The following ADAM9 variants were observed in gnomAD, a reference collection of about 807,000 sequenced individuals.
The protein encoded by ADAM9 is disintegrin and metalloproteinase domain-containing protein 9.
ADAM9 carries 54 observed loss-of-function variants against 108.1 expected under a neutral mutation model. The observed-to-expected ratio is 0.50, with a 90% CI of 0.40 to 0.63. The LOEUF (loss-of-function observed/expected upper bound fraction) is 0.63. ADAM9 is among the 20% of genes least tolerant of loss of function. The pLI is 0.00. For missense variants in ADAM9, 830 were observed against 997.7 expected (o/e 0.83, Z 2.26); for synonymous variants, 316 against 336.0 (o/e 0.94, Z 0.65).
intron 11 of ADAM9, among the ~76,000 whole-genome samples, chr8:39,038,610 A>T (rs1382400294): frequency 1.3e-5 from 2 of 152,182 alleles, no homozygotes; most frequent in South Asian, 4.1e-4. Context: ...CATAACCTTT[A>T]CATGGGCAGG....
Position 39,019,513 on chromosome 8 carries a change from T to C in ADAM9, c.672+595T>C, listed in dbSNP as rs114480364. Among the ~76,000 whole-genome samples, 1,241 of 152,350 alleles carry C rather than the reference T, an allele frequency of 8.1e-3. 19 individuals are homozygous for C. Among genetic ancestry groups the C allele is most frequent in the African/African-American group, 0.029 (1,191 of 41,576 alleles). ...ACAGGATTATCAGTTTTAGAGATAA[T>C]GGCTGTATAATTTATTTTCATGTTG... On this transcript the variant is annotated intron_variant, in intron 7 of 21. Coordinates refer to ENST00000487273, the MANE Select transcript of ADAM9 (RefSeq NM_003816.3).
Position 39,023,331 on chromosome 8 carries a change from T to TA in ADAM9, c.914+7dup, listed in dbSNP as rs2129434006. 1 of 1,606,132 alleles carries TA rather than the reference T, an allele frequency of 6.2e-7. No individual in the cohort carries two copies. The highest frequency in any genetic ancestry group is 1.7e-5 in the Admixed American group (1 of 59,104). ...GACAGTGCACAGCTAGTTCTGTAAG[T>TA]ATTTTTTTTTTAAGTACTATTAATG... On this transcript the variant is annotated splice_region_variant and intron_variant, in intron 9 of 21. Coordinates refer to ENST00000487273, the MANE Select transcript of ADAM9 (RefSeq NM_003816.3).
intron 5 of ADAM9, 91 bp downstream of exon 5, chr8:39,016,285 A>G (rs1423752094): frequency 2.5e-6 from 3 of 1,189,766 alleles, no homozygotes; most frequent in Non-Finnish European, 3.8e-6. Context: ...CATTTTGGGC[A>G]CTTAGCAAAA....
intron 4 of ADAM9, chr8:39,014,346 AT>A: frequency 1.9e-6 from 1 of 539,950 alleles, no homozygotes; most frequent in Non-Finnish European, 3.2e-6. Context: ...GGAGTTTCTG[AT>A]TTTTTTGTTG....
intron 14 of ADAM9, among the ~76,000 whole-genome samples, chr8:39,070,447 G>C (rs764618532): frequency 6.6e-6 from 1 of 151,982 alleles, no homozygotes; most frequent in African/African-American, 2.4e-5. Flanking sequence ...TTTGCTATAC[G>C]TGACTGTTCA....
intron 9 of ADAM9, among the ~76,000 whole-genome samples, chr8:39,024,744 C>T (rs1380963461): frequency 2.6e-5 from 4 of 152,070 alleles, no homozygotes; most frequent in African/African-American, 7.2e-5. Context: ...AGTCCATGTT[C>T]TGGTGGAGGA....
chr8:39,054,452 CT>C, intron 12 of ADAM9, 28 bp from the exon 13 acceptor site: 2 of 1,570,354 alleles, frequency 1.3e-6, no homozygotes, highest in South Asian at 1.1e-5. Flanking sequence ...TTACTAATTT[CT>C]TTATTGACAG....
intron 11 of ADAM9, among the ~76,000 whole-genome samples, chr8:39,037,052 T>C (rs1837300333): frequency 5.1e-5 from 1 of 19,692 alleles, no homozygotes; most frequent in African/African-American, 1.6e-4. Flanking sequence ...CGCAAGTTCT[T>C]TTTTTTTTTT....
At chr8:39,058,828 A>G (rs1012106660) in intron 14 of ADAM9, among the ~76,000 whole-genome samples, 1 of 152,168 alleles carries the variant, frequency 6.6e-6, no homozygotes, top group Non-Finnish European at 1.5e-5. Flanking sequence ...CACTATGGAT[A>G]ATGGTGAGTG....
At chr8:39,010,790 T>C (rs1169475832) in intron 2 of ADAM9, among the ~76,000 whole-genome samples, 1 of 152,128 alleles carries the variant, frequency 6.6e-6, no homozygotes, top group African/African-American at 2.4e-5. Context: ...TATTGTTTTA[T>C]GTACCACTAA....
intron 16 of ADAM9, among the ~76,000 whole-genome samples, chr8:39,079,967 T>C (rs1165661455): frequency 1.3e-5 from 2 of 152,242 alleles, no homozygotes; most frequent in East Asian, 3.8e-4. Flanking sequence ...TGTATCTCAG[T>C]ATAATATGAA....
At chr8:39,044,589 TCACTCTCCTCCTACCCTCTCCAG>T (rs1837554853) in intron 12 of ADAM9, among the ~76,000 whole-genome samples, 2 of 7,256 alleles carry the variant, frequency 2.8e-4, no homozygotes, top group African/African-American at 1.7e-3. Flanking sequence ...TTGTCAGCCC[TCACTCTCCTCCTACCCTCTCCAG>T]CCCTCACTCT....
At position 39,022,336 on chromosome 8, in the gene ADAM9, CT is replaced by C. The variant is rs1279640543; in HGVS notation, c.744+623del. On this transcript the variant is annotated intron_variant, in intron 8 of 21. Transcript: ENST00000487273. Reference sequence around the variant, plus strand: ...AACCCATTTACTCCTTACAGTACCCCTATGAAATTATGAGTTCCACAGTCCT... The same window carrying C: ...AACCCATTTACTCCTTACAGTACCCCATGAAATTATGAGTTCCACAGTCCT... 7.9e-5 allele frequency among the ~76,000 whole-genome samples: 12 copies of C among 152,176 alleles called. No individual in the cohort carries two copies. In the South Asian group the frequency reaches 2.1e-3, roughly 26 times the overall value.
intron 11 of ADAM9, among the ~76,000 whole-genome samples, chr8:39,030,128 A>G (rs1425857233): frequency 1.3e-5 from 2 of 152,164 alleles, no homozygotes; most frequent in African/African-American, 4.8e-5. Flanking sequence ...TCCATACTTT[A>G]TGGTTCAGTC....
rs1198758196 is a variant in ADAM9 at position 39,045,393 on chromosome 8, TAC to T, written c.1302+3283_1302+3284del. On this transcript the variant is annotated intron_variant, in intron 12 of 21. Coordinates refer to ENST00000487273, the MANE Select transcript of ADAM9 (RefSeq NM_003816.3). Reference sequence around the variant, plus strand: ...GTGTACATACACCTATAGGTGTGTGTACACACACCTATATGTGCGCGTGTGTA... The same window carrying T: ...GTGTACATACACCTATAGGTGTGTGTACACACCTATATGTGCGCGTGTGTA... 1.6e-4 allele frequency among the ~76,000 whole-genome samples: 24 copies of T among 146,336 alleles called. 1 individual carries two copies. Among genetic ancestry groups the T allele is most frequent in the South Asian group, 4.3e-4 (2 of 4,630 alleles).
chr8:39,097,309 CTT>C (rs369116377), intron 20 of ADAM9, among the ~76,000 whole-genome samples: 11 of 139,310 alleles, frequency 7.9e-5, no homozygotes, highest in East Asian at 2.1e-4. Flanking sequence ...GTCTCTCTGA[CTT>C]TTTTTTTTTT....
At chr8:39,073,689 A>ATCTAGGG (rs1330100793) in intron 15 of ADAM9, among the ~76,000 whole-genome samples, 2 of 152,186 alleles carry the variant, frequency 1.3e-5, no homozygotes. Context: ...TAAGTGGATT[A>ATCTAGGG]ATGCAGACTT....
In ADAM9 at chr8:39,023,260, C is replaced by T. The variant is rs1836806146; in HGVS notation, c.849C>T (p.Asn283=). The part of the protein sequence containing the change: ...IVGGAGDVLG[N]FVQWREKFLI... ...GGGGTGCTGGTGATGTGCTGGGGAACTTCGTGCAGTGGCGGGAAAAGTTTC... is the reference window on the plus strand; with the variant it reads ...GGGGTGCTGGTGATGTGCTGGGGAATTTCGTGCAGTGGCGGGAAAAGTTTC... The change falls in exon 9 of 22, where the codon AAC becomes AAT. Residue 283 remains asparagine, a synonymous_variant. Coordinates refer to ENST00000487273, the MANE Select transcript of ADAM9 (RefSeq NM_003816.3). The T allele has an allele frequency of 6.2e-7, 1 of 1,613,492 alleles. No homozygotes were observed. Among genetic ancestry groups the T allele is most frequent in the South Asian group, 1.1e-5 (1 of 90,998 alleles).
chr8:39,047,882 T>A (rs1219978668), intron 12 of ADAM9, among the ~76,000 whole-genome samples: 1 of 151,978 alleles, frequency 6.6e-6, no homozygotes, highest in Non-Finnish European at 1.5e-5. Context: ...GTTGTTTATT[T>A]GAGTTTTTTT....
Sources: gnomAD v4.1 joint callset for allele counts (sites outside exome capture counted in the v4.1 genomes callset) on GRCh38, gnomAD v4.1.1 for gene constraint, MANE v1.5 for transcripts, NCBI Gene and HGNC (gene_info 2026-07-23, HGNC 2026-07-21) for gene names.